DLGAP1: variants seen among roughly 807,000 people sequenced by gnomAD.
DLGAP1 encodes the protein DLG associated protein 1.
A neutral mutation model predicts 90.8 loss-of-function variants in DLGAP1; 11 were observed. The observed-to-expected ratio is 0.12, with a 90% CI of 0.08 to 0.20. DLGAP1 has a LOEUF of 0.20. Among genes scored for constraint, DLGAP1 ranks in the 10% least tolerant of loss-of-function variants. The probability of loss-of-function intolerance (pLI) is 1.00; values close to 1 mark genes in which losing one functional copy is unlikely to be tolerated. For missense variants in DLGAP1, 1,050 were observed against 1,333.8 expected (o/e 0.79, Z 3.31); for synonymous variants, 558 against 540.7 (o/e 1.03, Z -0.44).
At chr18:3,551,496 T>A (rs1484920021) in intron 9 of DLGAP1, among the ~76,000 whole-genome samples, 2 of 151,476 alleles carry the variant, frequency 1.3e-5, no homozygotes, top group Admixed American at 6.6e-5. Context: ...TGATCTGCCC[T>A]CCTGGCTTCC....
intron 2 of DLGAP1, among the ~76,000 whole-genome samples, chr18:4,111,544 A>G (rs2075972362): frequency 6.6e-6 from 1 of 152,206 alleles, no homozygotes; most frequent in Non-Finnish European, 1.5e-5. Flanking sequence ...CAGTGAAGTC[A>G]TCTGAACTAT....
intron 2 of DLGAP1, among the ~76,000 whole-genome samples, chr18:4,051,029 T>C (rs2075126682): frequency 6.6e-6 from 1 of 152,248 alleles, no homozygotes; most frequent in South Asian, 2.1e-4. Context: ...TGTTTCTTCT[T>C]CCTTTTTCTT....
intron 1 of DLGAP1, among the ~76,000 whole-genome samples, chr18:4,417,968 C>T (rs1362052232): frequency 6.6e-6 from 1 of 152,088 alleles, no homozygotes. Flanking sequence ...GGAAGGAGAC[C>T]TTCTCTAAGG....
Position 4,364,205 on chromosome 18 carries a change from A to G in DLGAP1, c.-267+90801T>C, listed in dbSNP as rs1199160117. On this transcript the variant is annotated intron_variant, in intron 1 of 12. Coordinates refer to ENST00000315677, the MANE Select transcript of DLGAP1 (RefSeq NM_004746.4). ...CTCACTCATAGGTGGGAATTGAACA[A>G]TGAGAACACATGGACACAGGAAGGG... Among the ~76,000 whole-genome samples the G allele has an allele frequency of 5.0e-5, 7 of 138,900 alleles. No homozygotes were observed. The Admixed American group carries it at 5.5e-4, about 11-fold the overall frequency. 91.1% of individuals were successfully genotyped at this position (138,900 alleles called of 152,430 possible).
intron 1 of DLGAP1, among the ~76,000 whole-genome samples, chr18:4,317,191 C>T (rs1439262339): frequency 6.6e-6 from 1 of 152,206 alleles, no homozygotes; most frequent in Admixed American, 6.5e-5. Context: ...CTACTGATGA[C>T]CTTAGATTCC....
At position 3,534,629 on chromosome 18, in the gene DLGAP1, A is replaced by T. The variant is rs898118796; in HGVS notation, c.2058-14T>A. Reference sequence around the variant, plus strand: ...AACCTGCGGAAGCTTGGGAGAATAGAAAAAAGAAATTTAGTTAGAGGATAT... The same window carrying T: ...AACCTGCGGAAGCTTGGGAGAATAGTAAAAAGAAATTTAGTTAGAGGATAT... On this transcript the variant is annotated splice_polypyrimidine_tract_variant and intron_variant, in intron 9 of 12. Coordinates refer to ENST00000315677, the MANE Select transcript of DLGAP1 (RefSeq NM_004746.4). 8.5e-6 allele frequency: 13 copies of T among 1,524,722 alleles called. No individual in the cohort carries two copies. The highest frequency in any genetic ancestry group is 1.1e-5 in the Non-Finnish European group (13 of 1,139,192). 94.4% of individuals were successfully genotyped at this position (1,524,722 alleles called of 1,614,324 possible).
At chr18:3,655,042 C>T (rs1309921196) in intron 7 of DLGAP1, among the ~76,000 whole-genome samples, 1 of 152,108 alleles carries the variant, frequency 6.6e-6, no homozygotes, top group African/African-American at 2.4e-5. Flanking sequence ...ACCTCCCAAC[C>T]TTGAAACTCC....
intron 4 of DLGAP1, among the ~76,000 whole-genome samples, chr18:3,877,507 G>A (rs769770575): frequency 7.2e-5 from 11 of 152,010 alleles, no homozygotes; most frequent in African/African-American, 1.9e-4. Flanking sequence ...TAGAACCTTC[G>A]CAGACAAAAT....
chr18:4,246,657 T>C (rs2078658655), intron 1 of DLGAP1, among the ~76,000 whole-genome samples: 3 of 152,170 alleles, frequency 2.0e-5, no homozygotes, highest in South Asian at 4.1e-4. Context: ...CATCTCTTTC[T>C]TGTTTATCAG....
chr18:3,860,808 G>T (rs887646927), intron 4 of DLGAP1, among the ~76,000 whole-genome samples: 4 of 152,140 alleles, frequency 2.6e-5, no homozygotes, highest in East Asian at 1.9e-4. Context: ...CTGAACTATT[G>T]AGAGATTAAC....
intron 2 of DLGAP1, among the ~76,000 whole-genome samples, chr18:4,116,207 A>T (rs1005774213): frequency 6.6e-6 from 1 of 152,144 alleles, no homozygotes; most frequent in African/African-American, 2.4e-5. Flanking sequence ...ATTGCCTCCA[A>T]TATTTCTAAT....
At chr18:4,357,156 CCTTT>C (rs2081536323) in intron 1 of DLGAP1, among the ~76,000 whole-genome samples, 1 of 100,666 alleles carries the variant, frequency 9.9e-6, no homozygotes, top group African/African-American at 3.4e-5. Context: ...TTGTTTTTTT[CCTTT>C]TTTTTTTTTT....
At chr18:4,446,186 G>A (rs1038362861) in intron 1 of DLGAP1, among the ~76,000 whole-genome samples, 15 of 152,086 alleles carry the variant, frequency 9.9e-5, no homozygotes, top group Non-Finnish European at 2.1e-4. Context: ...TCACACACTC[G>A]TCCCACTGAC....
intron 1 of DLGAP1, among the ~76,000 whole-genome samples, chr18:4,216,909 G>A (rs2077970215): frequency 6.6e-6 from 1 of 152,048 alleles, no homozygotes; most frequent in South Asian, 2.1e-4. Flanking sequence ...TAATTTACAT[G>A]AGGATTCACC....
intron 1 of DLGAP1, among the ~76,000 whole-genome samples, chr18:4,199,968 CTCA>C (rs1361463188): frequency 6.6e-6 from 1 of 152,124 alleles, no homozygotes; most frequent in Non-Finnish European, 1.5e-5. Flanking sequence ...AAATCATGGT[CTCA>C]TCATCCAAAT....
At chr18:4,154,794 G>A (rs982602487) in intron 1 of DLGAP1, among the ~76,000 whole-genome samples, 1 of 152,134 alleles carries the variant, frequency 6.6e-6, no homozygotes, top group African/African-American at 2.4e-5. Flanking sequence ...ACAAGGGAAA[G>A]CACTCATTCA....
intron 7 of DLGAP1, among the ~76,000 whole-genome samples, chr18:3,590,956 AAAAAC>A (rs1285182216): frequency 6.6e-5 from 10 of 152,316 alleles, no homozygotes; most frequent in Middle Eastern, 3.4e-3. Context: ...TGTTGAATCT[AAAAAC>A]AAAACAAAAC....
chr18:4,327,090 AT>A (rs2080835437), intron 1 of DLGAP1, among the ~76,000 whole-genome samples: 1 of 151,152 alleles, frequency 6.6e-6, no homozygotes, highest in African/African-American at 2.4e-5. Flanking sequence ...TAATTAAAGA[AT>A]ACAAATTTAC....
intron 11 of DLGAP1, among the ~76,000 whole-genome samples, chr18:3,504,636 G>A (rs898760343): frequency 6.6e-6 from 1 of 151,950 alleles, no homozygotes; most frequent in Non-Finnish European, 1.5e-5. Flanking sequence ...CTCCTGCCTC[G>A]ACCTCCCAAG....
Sources: allele counts gnomAD v4.1 joint callset (sites outside exome capture counted in the v4.1 genomes callset), GRCh38; gene constraint gnomAD v4.1.1; transcripts MANE v1.5; gene names NCBI Gene and HGNC (gene_info 2026-07-23, HGNC 2026-07-21).